MED12L: variants seen among roughly 807,000 people sequenced by gnomAD.
MED12L encodes mediator complex subunit 12L.
Under a neutral mutation model 281.3 loss-of-function variants are expected in MED12L, and 60 were observed. The observed-to-expected ratio is 0.21, with a 90% CI of 0.17 to 0.26. The LOEUF (loss-of-function observed/expected upper bound fraction) is 0.26, where lower values mean the gene tolerates loss of function less well. Among genes scored for constraint, MED12L ranks in the 10% least tolerant of loss-of-function variants. The pLI is 1.00. For synonymous variants in MED12L, 974 were observed against 987.2 expected (o/e 0.99, Z 0.25); for missense variants, 2,146 against 2,680.9 (o/e 0.80, Z 4.41).
At chr3:151,329,015 C>A (rs751524418) in intron 16 of MED12L, 1 of 1,560,682 alleles carries the variant, frequency 6.4e-7, no homozygotes, top group South Asian at 1.2e-5. Context: ...CACCTGTTAC[C>A]AATAAACATA....
intron 43 of MED12L, among the ~76,000 whole-genome samples, chr3:151,418,623 T>C (rs2108405728): frequency 6.6e-6 from 1 of 152,342 alleles, no homozygotes. Context: ...GTGTATGGCA[T>C]TAGGATATAC....
intron 43 of MED12L, among the ~76,000 whole-genome samples, chr3:151,423,084 A>T (rs1400594984): frequency 6.7e-6 from 1 of 149,996 alleles, no homozygotes; most frequent in African/African-American, 2.5e-5. Flanking sequence ...CAATGGTATG[A>T]TCTCAGCTCA....
intron 16 of MED12L, among the ~76,000 whole-genome samples, chr3:151,262,929 G>C (rs189480609): frequency 1.3e-5 from 2 of 152,270 alleles, no homozygotes; most frequent in Admixed American, 1.3e-4. Flanking sequence ...CTGAAGACAC[G>C]TAGCTGGTAA....
At chr3:151,098,611 C>A (rs1721027573) in intron 2 of MED12L, among the ~76,000 whole-genome samples, 1 of 152,190 alleles carries the variant, frequency 6.6e-6, no homozygotes. Flanking sequence ...TGGTCTTCCT[C>A]TGGGTGTCTC....
At chr3:151,314,631 T>G (rs1429129160) in intron 16 of MED12L, among the ~76,000 whole-genome samples, 2 of 152,168 alleles carry the variant, frequency 1.3e-5, no homozygotes, top group Non-Finnish European at 2.9e-5. Flanking sequence ...GAGATTTGAT[T>G]AACATCACGT....
intron 5 of MED12L, among the ~76,000 whole-genome samples, chr3:151,144,923 A>T (rs943633457): frequency 6.6e-6 from 1 of 152,088 alleles, no homozygotes; most frequent in African/African-American, 2.4e-5. Context: ...GGTTGGAGAG[A>T]TGCTACTTTC....
At chr3:151,337,610 C>T (rs1444391632) in intron 16 of MED12L, 6 of 563,386 alleles carry the variant, frequency 1.1e-5, no homozygotes, top group Non-Finnish European at 1.5e-5. Flanking sequence ...GCTGCTAATA[C>T]AGCTACAGTT....
chr3:151,102,707 T>G (rs922289808), intron 2 of MED12L, among the ~76,000 whole-genome samples: 2 of 152,110 alleles, frequency 1.3e-5, no homozygotes, highest in African/African-American at 4.8e-5. Context: ...TCCTGGACAA[T>G]CAAGTGATCG....
At chr3:151,378,929 AGCAAT>A (rs1342409664) in intron 31 of MED12L, among the ~76,000 whole-genome samples, 5 of 152,224 alleles carry the variant, frequency 3.3e-5, no homozygotes, top group Non-Finnish European at 7.3e-5. Flanking sequence ...AAATTCTTAT[AGCAAT>A]CATGTGGTAG....
At position 151,158,621 on chromosome 3, in the gene MED12L, G is replaced by A. The variant is rs1448980759; in HGVS notation, c.727-68G>A. ...GTAGTACAGTTAGACTTAAGCATAAGAATGACAGTGCCTTTTTTGTTTTTT... is the reference window on the plus strand; with the variant it reads ...GTAGTACAGTTAGACTTAAGCATAAAAATGACAGTGCCTTTTTTGTTTTTT... On this transcript the variant is annotated intron_variant, in intron 6 of 44. Coordinates refer to ENST00000687756, the MANE Select transcript of MED12L (RefSeq NM_001393769.1). 7 of 976,164 alleles carry A rather than the reference G, an allele frequency of 7.2e-6. No homozygotes were observed. In the African/African-American group the frequency reaches 8.2e-5, roughly 11 times the overall value. 60.5% of individuals were successfully genotyped at this position (976,164 alleles called of 1,614,324 possible).
intron 14 of MED12L, among the ~76,000 whole-genome samples, chr3:151,191,695 T>C (rs971221080): frequency 2.6e-5 from 4 of 152,016 alleles, no homozygotes; most frequent in Non-Finnish European, 5.9e-5. Context: ...CCACCCGAAG[T>C]TGGGAGTTTG....
At chr3:151,273,680 C>T (rs529683581) in intron 16 of MED12L, among the ~76,000 whole-genome samples, 54 of 152,206 alleles carry the variant, frequency 3.5e-4, no homozygotes, top group Admixed American at 9.8e-4. Context: ...GTGGTGGAGT[C>T]AAGATTTGAA....
intron 16 of MED12L, among the ~76,000 whole-genome samples, chr3:151,193,902 A>G (rs567688037): frequency 6.6e-6 from 1 of 151,552 alleles, no homozygotes; most frequent in South Asian, 2.1e-4. Context: ...CTATGTTAGT[A>G]TCCTTTTATT....
In MED12L at chr3:151,369,493, A is replaced by G; in HGVS notation, c.3608A>G (p.His1203Arg). 1 of 1,612,472 alleles carries G rather than the reference A, an allele frequency of 6.2e-7. No homozygotes were observed. The highest frequency in any genetic ancestry group is 8.5e-7 in the Non-Finnish European group (1 of 1,178,904). ...GATAGACACCTCTTAGCCGCTGCTC[A>G]CAACAGCATTGAAGTGGGAGCCGTG... ...SCDRHLLAAA[H>R]NSIEVGAVFA... Residue 1203 changes from histidine to arginine, a missense_variant, in exon 26 of 45, where the codon CAC (histidine) becomes CGC (arginine). By Grantham distance (29) the His-to-Arg change is conservative. This residue lies in a region of MED12L where 404 missense variants were observed against 603.5 expected (regional missense o/e 0.67). Coordinates refer to ENST00000687756, the MANE Select transcript of MED12L (RefSeq NM_001393769.1).
chr3:151,224,023 A>G (rs1022313568), intron 16 of MED12L, among the ~76,000 whole-genome samples: 5 of 152,204 alleles, frequency 3.3e-5, no homozygotes, highest in African/African-American at 1.2e-4. Flanking sequence ...AATATGCCTA[A>G]TATTACTGCC....
At chr3:151,287,577 A>G (rs1183069272) in intron 16 of MED12L, among the ~76,000 whole-genome samples, 1 of 152,192 alleles carries the variant, frequency 6.6e-6, no homozygotes, top group East Asian at 1.9e-4. Context: ...TGGTGACAGC[A>G]TGGACTTTGT....
intron 5 of MED12L, among the ~76,000 whole-genome samples, chr3:151,128,471 C>T (rs571240541): frequency 7.5e-4 from 114 of 152,284 alleles, no homozygotes; most frequent in Non-Finnish European, 1.3e-3. Flanking sequence ...CATCGCTGAT[C>T]TGCCCCCACC....
chr3:151,208,428 A>G (rs1396111350), intron 16 of MED12L, among the ~76,000 whole-genome samples: 2 of 152,224 alleles, frequency 1.3e-5, no homozygotes, highest in East Asian at 3.9e-4. Context: ...CACGCCTGTC[A>G]TCTCAGCACT....
rs536296268 is a variant in MED12L, at chr3:151,265,884, A to C, written c.2250+72218A>C. 3.9e-5 allele frequency among the ~76,000 whole-genome samples: 6 copies of C among 152,326 alleles called. No individual in the cohort carries two copies. The East Asian group carries it at 1.2e-3, about 29-fold the overall frequency. On this transcript the variant is annotated intron_variant, in intron 16 of 44. Transcript: ENST00000687756. ...TGGTCCTTTTCAGGGAATCATGGAA[A>C]GGCTTGGAGCAGAGTCTTGCGGCCC...
Sources: allele counts gnomAD v4.1 joint callset (sites outside exome capture counted in the v4.1 genomes callset), GRCh38; gene constraint gnomAD v4.1.1; regional missense constraint gnomAD v4.1.1; transcripts MANE v1.5; gene names NCBI Gene and HGNC (gene_info 2026-07-23, HGNC 2026-07-21).